The following COLEC12 variants were observed in gnomAD, a reference collection of about 807,000 sequenced individuals.
COLEC12 encodes the protein collectin-12.
COLEC12 carries 33 observed loss-of-function variants against 71.1 expected under a neutral mutation model. The ratio of observed to expected loss-of-function variants is 0.46; its 90% CI spans 0.35 to 0.62. The LOEUF (loss-of-function observed/expected upper bound fraction) is 0.62. COLEC12 is among the 20% of genes least tolerant of loss of function. COLEC12 has a pLI of 0.00. For missense variants in COLEC12, 765 were observed against 916.1 expected (o/e 0.84, Z 2.13); for synonymous variants, 350 against 353.0 (o/e 0.99, Z 0.10).
intron 2 of COLEC12, among the ~76,000 whole-genome samples, chr18:377,051 C>T (rs534613668): frequency 3.2e-4 from 49 of 152,194 alleles, no homozygotes; most frequent in Non-Finnish European, 4.7e-4. Context: ...TCAGGGTTCC[C>T]CTGCACGTGT....
intron 2 of COLEC12, among the ~76,000 whole-genome samples, chr18:416,148 G>T (rs1194698344): frequency 2.0e-5 from 3 of 152,068 alleles, no homozygotes; most frequent in Non-Finnish European, 4.4e-5. Flanking sequence ...CTGTATTAAA[G>T]AAACCAAAAA....
chr18:475,506 G>A (rs1158116553), intron 2 of COLEC12, among the ~76,000 whole-genome samples: 3 of 152,112 alleles, frequency 2.0e-5, no homozygotes, highest in Non-Finnish European at 4.4e-5. Flanking sequence ...CCCAGCAGAG[G>A]GGAGACAGGC....
At chr18:377,612 T>A (rs767804765) in intron 2 of COLEC12, among the ~76,000 whole-genome samples, 2 of 152,204 alleles carry the variant, frequency 1.3e-5, no homozygotes, top group South Asian at 4.2e-4. Flanking sequence ...CCCAAAACAT[T>A]TGGGAGAAGT....
At chr18:499,105 T>A (rs988791386) in intron 1 of COLEC12, among the ~76,000 whole-genome samples, 1 of 152,214 alleles carries the variant, frequency 6.6e-6, no homozygotes, top group African/African-American at 2.4e-5. Flanking sequence ...TGAAATTCTT[T>A]CCTTTCTAGG....
Position 433,692 on chromosome 18 carries a change from G to T in COLEC12, c.58+47015C>A, listed in dbSNP as rs547548800. 4.2e-4 allele frequency among the ~76,000 whole-genome samples: 64 copies of T among 152,142 alleles called. 1 individual carries two copies. The highest frequency in any genetic ancestry group is 1.1e-3 in the African/African-American group (47 of 41,476). On this transcript the variant is annotated intron_variant, in intron 2 of 9. Transcript: ENST00000400256. ...CTGCTTATTAAAAGGCTAAAAAGAG[G>T]CCCAGCACAGTGGCTCACACCTGTA...
At chr18:343,278 C>T (rs1252382054) in intron 5 of COLEC12, among the ~76,000 whole-genome samples, 3 of 152,196 alleles carry the variant, frequency 2.0e-5, no homozygotes, top group Non-Finnish European at 4.4e-5. Context: ...ATACTCACAG[C>T]ACCTTGAGGC....
rs1914232985 is a variant in COLEC12, at chr18:340,747, TA to T, written c.1328-5518del. Reference sequence around the variant, plus strand: ...AATCTGATACGTTTTTCTTCTCATTTAAAAATCTACTTTGAATGCACTTAAT... The same window carrying T: ...AATCTGATACGTTTTTCTTCTCATTTAAAATCTACTTTGAATGCACTTAAT... On this transcript the variant is annotated intron_variant, in intron 5 of 9. Coordinates refer to ENST00000400256, the MANE Select transcript of COLEC12 (RefSeq NM_130386.3). Among the ~76,000 whole-genome samples, 5 of 152,352 alleles carry T rather than the reference TA, an allele frequency of 3.3e-5. No homozygotes were observed. The South Asian group carries it at 1.0e-3, about 32-fold the overall frequency.
At chr18:448,793 C>A (rs1321955595) in intron 2 of COLEC12, among the ~76,000 whole-genome samples, 1 of 152,114 alleles carries the variant, frequency 6.6e-6, no homozygotes, top group East Asian at 1.9e-4. Flanking sequence ...GGTACAAAGA[C>A]CATTTTAAAG....
At chr18:425,075 T>A (rs73944719) in intron 2 of COLEC12, among the ~76,000 whole-genome samples, 5,334 of 152,294 alleles carry the variant, frequency 0.035, 310 homozygotes, top group African/African-American at 0.12. Context: ...TAGGGAGGCA[T>A]GATCTGTAAC....
intron 3 of COLEC12, among the ~76,000 whole-genome samples, chr18:352,687 T>A (rs1353682346): frequency 2.0e-5 from 3 of 152,238 alleles, no homozygotes; most frequent in Non-Finnish European, 1.5e-5. Context: ...AACCTGCTAC[T>A]GCATAAAAAT....
chr18:412,034 AG>A (rs2143637242), intron 2 of COLEC12, among the ~76,000 whole-genome samples: 1 of 152,314 alleles, frequency 6.6e-6, no homozygotes, highest in South Asian at 2.1e-4. Flanking sequence ...AAGGAGGAGC[AG>A]ATAGAAAAGT....
At chr18:488,299 T>G (rs1165034391) in intron 1 of COLEC12, among the ~76,000 whole-genome samples, 1 of 151,634 alleles carries the variant, frequency 6.6e-6, no homozygotes, top group Non-Finnish European at 1.5e-5. Context: ...TAATCCCAAT[T>G]ACTAGGGAGG....
At chr18:348,900 T>C (rs1034508418) in intron 3 of COLEC12, among the ~76,000 whole-genome samples, 1 of 152,208 alleles carries the variant, frequency 6.6e-6, no homozygotes, top group Non-Finnish European at 1.5e-5. Flanking sequence ...AAATCTCACC[T>C]TGAATTATAC....
chr18:487,580 A>G (rs975757597), intron 1 of COLEC12, among the ~76,000 whole-genome samples: 2 of 152,206 alleles, frequency 1.3e-5, no homozygotes, highest in African/African-American at 4.8e-5. Context: ...CATTAAAACA[A>G]AAGTTCTCTT....
chr18:419,055 T>A (rs569023944), intron 2 of COLEC12, among the ~76,000 whole-genome samples: 1 of 152,320 alleles, frequency 6.6e-6, no homozygotes, highest in East Asian at 1.9e-4. Context: ...ATCCTCAGGT[T>A]CCTCATCCAC....
In COLEC12 at chr18:316,893, C is replaced by T. The variant is rs1427602787; in HGVS notation, c.*3152G>A. 1 of 150,312 alleles carries T rather than the reference C, an allele frequency of 6.7e-6. No homozygotes were observed. The highest frequency in any genetic ancestry group is 1.5e-5 in the Non-Finnish European group (1 of 67,410). The allele number at this position is 150,312 out of a possible 1,614,324, so 9.3% of individuals were successfully genotyped here. A position where few individuals can be genotyped will look rare whatever the true frequency, so the allele number is the denominator to read the frequency against. ...CATCATATTTTACTAAAACTCTCCA[C>T]TCCAAAAGAGCATCAGTTGTGTGTA... On this transcript the variant is annotated 3_prime_UTR_variant, in exon 10 of 10. Coordinates refer to ENST00000400256, the MANE Select transcript of COLEC12 (RefSeq NM_130386.3).
At chr18:383,843 G>A (rs1244220758) in intron 2 of COLEC12, among the ~76,000 whole-genome samples, 2 of 152,182 alleles carry the variant, frequency 1.3e-5, no homozygotes, top group Non-Finnish European at 2.9e-5. Flanking sequence ...GTTCCACATG[G>A]CTGGGGAGAC....
At chr18:414,401 C>T (rs1459867210) in intron 2 of COLEC12, among the ~76,000 whole-genome samples, 1 of 152,028 alleles carries the variant, frequency 6.6e-6, no homozygotes, top group Admixed American at 6.6e-5. Flanking sequence ...GAGTTTGAGA[C>T]CAGCCTGACC....
chr18:458,314 C>G (rs1192284983), intron 2 of COLEC12, among the ~76,000 whole-genome samples: 1 of 152,222 alleles, frequency 6.6e-6, no homozygotes, highest in African/African-American at 2.4e-5. Context: ...GCAAAAGGAT[C>G]ATTTTAACTG....
Sources: gnomAD v4.1 joint callset for allele counts (sites outside exome capture counted in the v4.1 genomes callset) on GRCh38, gnomAD v4.1.1 for gene constraint, MANE v1.5 for transcripts, NCBI Gene and HGNC (gene_info 2026-07-23, HGNC 2026-07-21) for gene names.